The following SYN2 variants were observed in gnomAD, a reference collection of about 807,000 sequenced individuals.
SYN2 encodes the protein synapsin-2.
A neutral mutation model predicts 50.9 loss-of-function variants in SYN2; 19 were observed. The observed-to-expected ratio is 0.37, with a 90% confidence interval of 0.26 to 0.55. The LOEUF (loss-of-function observed/expected upper bound fraction) is 0.55, where lower values mean the gene tolerates loss of function less well. Ranked by LOEUF, SYN2 falls within the 20% of genes least tolerant of loss-of-function variation. SYN2 has a pLI of 0.81. For synonymous variants in SYN2, 255 were observed against 224.9 expected (o/e 1.13, Z -1.20); for missense variants, 587 against 576.4 (o/e 1.02, Z -0.19).
At chr3:12,062,438 G>C (rs986347524) in intron 1 of SYN2, among the ~76,000 whole-genome samples, 3 of 151,946 alleles carry the variant, frequency 2.0e-5, no homozygotes, top group Admixed American at 2.0e-4. Flanking sequence ...GTGACCTTGG[G>C]TTTGGCTGTG....
At chr3:12,090,562 A>C (rs1320822337) in intron 1 of SYN2, among the ~76,000 whole-genome samples, 3 of 152,230 alleles carry the variant, frequency 2.0e-5, no homozygotes, top group Admixed American at 1.3e-4. Context: ...GCTATAAAAT[A>C]AGACAGTTGG....
intron 1 of SYN2, among the ~76,000 whole-genome samples, chr3:12,135,523 C>T (rs1403950722): frequency 6.6e-6 from 1 of 152,174 alleles, no homozygotes; most frequent in African/African-American, 2.4e-5. Flanking sequence ...TATGTGAATC[C>T]ATCTTCAGTG....
intron 11 of SYN2, chr3:12,185,524 A>G: frequency 1.0e-6 from 1 of 985,518 alleles, no homozygotes; most frequent in Non-Finnish European, 1.2e-6. Flanking sequence ...CTTAGGGACA[A>G]CTCTGTGGCC....
chr3:12,157,870 C>T (rs1382564103), intron 5 of SYN2, among the ~76,000 whole-genome samples: 1 of 152,206 alleles, frequency 6.6e-6, no homozygotes, highest in Non-Finnish European at 1.5e-5. Context: ...GGCCTCTCAT[C>T]CCGCCTACAG....
chr3:12,152,685 G>A (rs1697335791), intron 5 of SYN2, among the ~76,000 whole-genome samples: 1 of 152,164 alleles, frequency 6.6e-6, no homozygotes, highest in Non-Finnish European at 1.5e-5. Flanking sequence ...CAACAAAGGG[G>A]GATTTCAGCT....
chr3:12,033,347 G>A lies in SYN2; in HGVS notation c.377+28419G>A, dbSNP rs547500893. Among the ~76,000 whole-genome samples, 376 of 152,278 alleles carry A rather than the reference G, an allele frequency of 2.5e-3. 3 individuals are homozygous for A. The highest frequency in any genetic ancestry group is 3.4e-3 in the Non-Finnish European group (228 of 68,020). On this transcript the variant is annotated intron_variant, in intron 1 of 12. Transcript: ENST00000621198. Reference sequence around the variant, plus strand: ...TTGCTCACGCTGGGAGCTGTAGACCGGAGCTGTTCCTATTCGGCTGGTTAT... The same window carrying A: ...TTGCTCACGCTGGGAGCTGTAGACCAGAGCTGTTCCTATTCGGCTGGTTAT...
chr3:12,099,978 A>AAAAAAAG (rs1379277595), intron 1 of SYN2, among the ~76,000 whole-genome samples: 1 of 150,572 alleles, frequency 6.6e-6, no homozygotes, highest in Non-Finnish European at 1.5e-5. Flanking sequence ...AAAAAAAGAA[A>AAAAAAAG]AAAAAAAAGA....
At chr3:12,007,480 T>C (rs914820659) in intron 1 of SYN2, among the ~76,000 whole-genome samples, 2 of 152,170 alleles carry the variant, frequency 1.3e-5, no homozygotes, top group African/African-American at 4.8e-5. Context: ...GTGCTTGCCG[T>C]GACAAGCGCA....
intron 1 of SYN2, among the ~76,000 whole-genome samples, chr3:12,107,951 C>T (rs1456143520): frequency 6.6e-6 from 1 of 152,162 alleles, no homozygotes; most frequent in Non-Finnish European, 1.5e-5. Flanking sequence ...TGGTTTATGC[C>T]TGTAATCCCA....
rs200957921 is a variant in SYN2 at position 12,158,883 on chromosome 3, T to C, written c.775-2663T>C. 961 of 1,497,164 alleles carry C rather than the reference T, an allele frequency of 6.4e-4. 1 individual carries two copies. In the African/African-American group the frequency reaches 9.0e-3, roughly 14 times the overall value. 92.7% of individuals were successfully genotyped at this position (1,497,164 alleles called of 1,614,324 possible). ...ACTGAGCCTGTGAGGTCTGGGGGACTGGACGGCCCCAGCAGGGCTCCTTCC... is the reference window on the plus strand; with the variant it reads ...ACTGAGCCTGTGAGGTCTGGGGGACCGGACGGCCCCAGCAGGGCTCCTTCC... On this transcript the variant is annotated intron_variant, in intron 5 of 12. Transcript: ENST00000621198.
intron 5 of SYN2, among the ~76,000 whole-genome samples, chr3:12,159,684 T>C (rs1401576411): frequency 6.6e-6 from 1 of 152,206 alleles, no homozygotes; most frequent in Non-Finnish European, 1.5e-5. Context: ...ACTACATTGA[T>C]TTTTATTGCA....
At chr3:12,024,612 A>G (rs1012066217) in intron 1 of SYN2, among the ~76,000 whole-genome samples, 2 of 152,196 alleles carry the variant, frequency 1.3e-5, no homozygotes, top group Non-Finnish European at 2.9e-5. Flanking sequence ...TCTTGTAGAT[A>G]GCATTAGTTC....
chr3:12,043,926 A>G (rs994903693), intron 1 of SYN2, among the ~76,000 whole-genome samples: 1 of 151,912 alleles, frequency 6.6e-6, no homozygotes, highest in Non-Finnish European at 1.5e-5. Flanking sequence ...CTTCAATTTT[A>G]TTGTACATAC....
chr3:12,095,045 G>C (rs1342936805), intron 1 of SYN2, among the ~76,000 whole-genome samples: 1 of 152,076 alleles, frequency 6.6e-6, no homozygotes, highest in Non-Finnish European at 1.5e-5. Context: ...AAAGTAAGAT[G>C]GCCTAAGTTC....
At chr3:12,177,177 A>G (rs543556697) in intron 10 of SYN2, among the ~76,000 whole-genome samples, 1 of 152,324 alleles carries the variant, frequency 6.6e-6, no homozygotes, top group Non-Finnish European at 1.5e-5. Context: ...TCTGGTATGA[A>G]GAGAAACAGA....
intron 1 of SYN2, among the ~76,000 whole-genome samples, chr3:12,049,458 G>A (rs1313642834): frequency 1.3e-5 from 2 of 151,964 alleles, no homozygotes; most frequent in African/African-American, 4.8e-5. Context: ...GGCGGAGGCT[G>A]CAGTGAGCCA....
rs192415580 is a variant in SYN2 at position 12,089,661 on chromosome 3, A to G, written c.378-50990A>G. Among the ~76,000 whole-genome samples the G allele has an allele frequency of 7.9e-5, 12 of 152,292 alleles. No homozygotes were observed. The East Asian group carries it at 1.2e-3, about 15-fold the overall frequency. ...ATTATATTTAAATTTTTTCTTTTTT[A>G]AGAAAAGAATCTAGCAGGAATAGTT... On this transcript the variant is annotated intron_variant, in intron 1 of 12. Transcript: ENST00000621198.
At chr3:12,180,528 A>G (rs570321536) in intron 10 of SYN2, among the ~76,000 whole-genome samples, 1 of 152,298 alleles carries the variant, frequency 6.6e-6, no homozygotes, top group South Asian at 2.1e-4. Flanking sequence ...CCCACAGGGA[A>G]TAGGCCCGGA....
intron 1 of SYN2, among the ~76,000 whole-genome samples, chr3:12,043,143 C>T (rs1694657617): frequency 6.6e-6 from 1 of 152,000 alleles, no homozygotes; most frequent in East Asian, 1.9e-4. Context: ...CCACCTCGGC[C>T]TCCCAAGTAG....
Sources: allele counts gnomAD v4.1 joint callset (sites outside exome capture counted in the v4.1 genomes callset), GRCh38; gene constraint gnomAD v4.1.1; transcripts MANE v1.5; gene names NCBI Gene and HGNC (gene_info 2026-07-23, HGNC 2026-07-21).